MYO5B: variants seen among roughly 807,000 people sequenced by gnomAD.
MYO5B encodes the protein myosin VB.
A neutral mutation model predicts 229.3 loss-of-function variants in MYO5B; 143 were observed. The observed-to-expected ratio is 0.62, with a 90% CI of 0.54 to 0.72. The LOEUF is 0.72. Among genes scored for constraint, MYO5B ranks in the 30% least tolerant of loss-of-function variants. The pLI, the probability that MYO5B is intolerant of heterozygous loss-of-function variation, is 0.00. For synonymous variants in MYO5B, 918 were observed against 885.2 expected, an observed-to-expected ratio of 1.04 and a Z score of -0.66; for missense variants, 2,321 against 2,331.0, an observed-to-expected ratio of 1.00 and a Z score of 0.09.
At chr18:50,031,385 C>G (rs995038829) in intron 4 of MYO5B, among the ~76,000 whole-genome samples, 1 of 152,196 alleles carries the variant, frequency 6.6e-6, no homozygotes, top group African/African-American at 2.4e-5. Context: ...GAGAACTATA[C>G]AGCATCCGAA....
At chr18:50,056,394 T>C (rs1358330217) in intron 1 of MYO5B, among the ~76,000 whole-genome samples, 2 of 152,186 alleles carry the variant, frequency 1.3e-5, no homozygotes, top group Non-Finnish European at 2.9e-5. Flanking sequence ...GAGTGCTGAA[T>C]GGCAGCATCT....
chr18:49,930,730 A>C (rs2025180442), intron 16 of MYO5B, among the ~76,000 whole-genome samples: 1 of 152,032 alleles, frequency 6.6e-6, no homozygotes, highest in African/African-American at 2.4e-5. Flanking sequence ...ATCTCTACTA[A>C]AAATATAAAA....
chr18:50,044,651 C>T (rs1011605631), intron 2 of MYO5B, among the ~76,000 whole-genome samples: 6 of 152,106 alleles, frequency 3.9e-5, no homozygotes, highest in South Asian at 4.2e-4. Context: ...AGGGTAGCCC[C>T]GAGCCCCATG....
intron 4 of MYO5B, among the ~76,000 whole-genome samples, chr18:50,015,660 ATCT>A (rs533601220): frequency 5.7e-4 from 87 of 152,296 alleles, no homozygotes; most frequent in Admixed American, 2.3e-3. Flanking sequence ...GTTGACAATT[ATCT>A]TCTTTGGGGA....
At position 50,020,307 on chromosome 18, in the gene MYO5B, T is replaced by C. The variant is rs139923863; in HGVS notation, c.455+16543A>G. Among the ~76,000 whole-genome samples the C allele has an allele frequency of 2.3e-4, 35 of 152,356 alleles. 1 individual carries two copies. In the East Asian group the frequency reaches 3.9e-3, roughly 17 times the overall value. On this transcript the variant is annotated intron_variant, in intron 4 of 39. Coordinates refer to ENST00000285039, the MANE Select transcript of MYO5B (RefSeq NM_001080467.3). The stretch of plus-strand genomic sequence containing the variant: ...GCATCCAACATTTCAGTATCTACTA[T>C]GCATTAAGATGACAAGAAAAGGCCT...
At chr18:49,846,971 T>G (rs2144048109) in intron 33 of MYO5B, among the ~76,000 whole-genome samples, 175 bp downstream of exon 33, 2 of 110,792 alleles carry the variant, frequency 1.8e-5, no homozygotes, top group Non-Finnish European at 3.8e-5. Flanking sequence ...GGGGGGAGGA[T>G]GAGAGTAGGT....
intron 1 of MYO5B, among the ~76,000 whole-genome samples, chr18:50,098,219 C>G (rs1366472707): frequency 3.9e-5 from 6 of 152,200 alleles, no homozygotes; most frequent in Non-Finnish European, 7.3e-5. Flanking sequence ...ACTTCAACAA[C>G]AGTTAATACC....
At chr18:49,912,780 A>T (rs1360740521) in intron 17 of MYO5B, among the ~76,000 whole-genome samples, 1 of 152,196 alleles carries the variant, frequency 6.6e-6, no homozygotes, top group East Asian at 1.9e-4. Flanking sequence ...AGTCTCGATT[A>T]TGTCTTTATT....
rs1457847162 is a variant in MYO5B, at chr18:49,877,992, AAT to A, written c.3277-112_3277-111del. 1.0e-4 allele frequency: 132 copies of A among 1,321,664 alleles called. 2 individuals carry two copies. In the South Asian group the frequency reaches 1.4e-3, roughly 14 times the overall value. The allele number at this position is 1,321,664 out of a possible 1,614,324, so 81.9% of individuals were successfully genotyped here. On this transcript the variant is annotated intron_variant, in intron 24 of 39. Coordinates refer to ENST00000285039, the MANE Select transcript of MYO5B (RefSeq NM_001080467.3). ...TCCTTCTGCCTAATTTGTCAACAAG[AAT>A]AGGTATCATTGCTTCTTGGAATGAT...
At chr18:49,879,958 G>A (rs774653838) in intron 23 of MYO5B, among the ~76,000 whole-genome samples, 6 of 152,224 alleles carry the variant, frequency 3.9e-5, no homozygotes, top group Non-Finnish European at 5.9e-5. Context: ...GCTCCTGAGC[G>A]CTCGCTGAGT....
chr18:50,031,925 A>T (rs2026393901), intron 4 of MYO5B, among the ~76,000 whole-genome samples: 2 of 152,232 alleles, frequency 1.3e-5, no homozygotes. Flanking sequence ...AGGCGTGTCA[A>T]CATAAGGGCT....
intron 1 of MYO5B, 34 bp downstream of exon 1, chr18:50,194,733 G>A (rs1407596816): frequency 1.4e-6 from 2 of 1,445,194 alleles, no homozygotes; most frequent in Non-Finnish European, 1.8e-6. Context: ...GCGCCACCCC[G>A]GCCCCGGGGC....
At chr18:50,015,872 T>C (rs1313243776) in intron 4 of MYO5B, among the ~76,000 whole-genome samples, 1 of 152,208 alleles carries the variant, frequency 6.6e-6, no homozygotes, top group Non-Finnish European at 1.5e-5. Flanking sequence ...CATGGGATAT[T>C]TGGTAAGGGC....
chr18:50,186,993 A>AC (rs2033158253), intron 1 of MYO5B, among the ~76,000 whole-genome samples: 1 of 152,142 alleles, frequency 6.6e-6, no homozygotes, highest in African/African-American at 2.4e-5. Flanking sequence ...ATTTGCAAGA[A>AC]CCCCAGATCC....
Position 50,050,012 on chromosome 18 carries a change from G to C in MYO5B, c.138+5256C>G, listed in dbSNP as rs2030350253. Among the ~76,000 whole-genome samples the C allele has an allele frequency of 3.9e-5, 6 of 152,120 alleles. No individual in the cohort carries two copies. In the South Asian group the frequency reaches 1.2e-3, roughly 32 times the overall value. On this transcript the variant is annotated intron_variant, in intron 2 of 39. Transcript: ENST00000285039. ...TTTTTTTTTACACTTTGACTCTTTA[G>C]ACAAGATGACTAATTAGTGGTAGCA...
intron 1 of MYO5B, among the ~76,000 whole-genome samples, chr18:50,138,790 G>C (rs1377709764): frequency 6.6e-6 from 1 of 152,148 alleles, no homozygotes; most frequent in African/African-American, 2.4e-5. Context: ...CCATTTCCTG[G>C]TGGTTCCAAG....
chr18:50,072,951 A>T (rs1381615182), intron 1 of MYO5B, among the ~76,000 whole-genome samples: 1 of 152,140 alleles, frequency 6.6e-6, no homozygotes, highest in East Asian at 1.9e-4. Context: ...CCATCAGCTG[A>T]GTTGAAGCCA....
chr18:50,019,043 AC>A (rs1236677397), intron 4 of MYO5B, among the ~76,000 whole-genome samples: 2 of 152,192 alleles, frequency 1.3e-5, no homozygotes, highest in Admixed American at 1.3e-4. Flanking sequence ...AAACCATGTT[AC>A]ACTCCAGAGC....
Position 49,957,142 on chromosome 18 carries a change from C to CAAAAAAAAAAA in MYO5B, c.1546-2718_1546-2708dup, listed in dbSNP as rs71169467. ...ACTCCTTGCTAGTAAAATAAAGTAG[C>CAAAAAAAAAAA]AAAAAAAAAAAAAAAAAAAAAAAGC... is the stretch of plus-strand genomic sequence containing the variant. On this transcript the variant is annotated intron_variant, in intron 12 of 39. Transcript: ENST00000285039. Among the ~76,000 whole-genome samples, 20 of 58,718 alleles carry CAAAAAAAAAAA rather than the reference C, an allele frequency of 3.4e-4. 2 individuals carry two copies. The highest frequency in any genetic ancestry group is 1.2e-3 in the East Asian group (2 of 1,724). The allele number at this position is 58,718 out of a possible 152,430, so 38.5% of individuals were successfully genotyped here.
Sources: gnomAD v4.1 joint callset for allele counts (sites outside exome capture counted in the v4.1 genomes callset) on GRCh38, gnomAD v4.1.1 for gene constraint, MANE v1.5 for transcripts, NCBI Gene and HGNC (gene_info 2026-07-23, HGNC 2026-07-21) for gene names.